The following FSTL4 variants were observed in gnomAD, a reference collection of about 807,000 sequenced individuals.
FSTL4 encodes follistatin like 4.
In FSTL4, 28 loss-of-function variants were observed where a neutral mutation model predicts 78.2. The observed-to-expected ratio is 0.36, with a 90% CI of 0.27 to 0.49. The LOEUF is 0.49. Ranked by LOEUF, FSTL4 falls within the 20% of genes least tolerant of loss-of-function variation. The probability of loss-of-function intolerance (pLI) is 0.98; values close to 1 mark genes in which losing one functional copy is unlikely to be tolerated. For missense variants in FSTL4, 922 were observed against 1,084.9 expected (o/e 0.85, Z 2.11); for synonymous variants, 422 against 440.5 (o/e 0.96, Z 0.53).
At chr5:133,341,028 G>A (rs184703857) in intron 4 of FSTL4, among the ~76,000 whole-genome samples, 341 of 152,046 alleles carry the variant, frequency 2.2e-3, no homozygotes, top group Middle Eastern at 6.8e-3. Context: ...GCCTGAGGGC[G>A]CTCCAAAGTC....
At chr5:133,350,300 T>C (rs1561682268) in intron 4 of FSTL4, among the ~76,000 whole-genome samples, 1 of 152,232 alleles carries the variant, frequency 6.6e-6, no homozygotes, top group African/African-American at 2.4e-5. Flanking sequence ...CCAAGAGTGA[T>C]GGTTATTAGA....
chr5:133,759,055 A>G, the FSTL4 span, among the ~76,000 whole-genome samples: 5 of 152,240 alleles, frequency 3.3e-5, no homozygotes, highest in African/African-American at 4.8e-5. Flanking sequence ...TGCTAAATCC[A>G]ATTCACATTC....
At position 133,199,143 on chromosome 5, in the gene FSTL4, C is replaced by T. The variant is rs745485239; in HGVS notation, c.2481G>A (p.Val827=). The change falls in exon 16 of 16, where the codon GTG becomes GTA. Residue 827 remains valine, a synonymous_variant. Transcript: ENST00000265342. This position sits in a 1 kb window ranked among gnomAD's most constrained non-coding sequence, Gnocchi z 4.4. ...CTGTGGTCCCCCCCTTTATACCTGA[C>T]ACCTCACACCGCAGCGTGTTTTGTC... is the stretch of plus-strand genomic sequence containing the variant. ...NGRQNTLRCE[V]SGIKGGTTVV... is the part of the protein sequence containing the mutation. 4 of 1,589,108 alleles carry T rather than the reference C, an allele frequency of 2.5e-6. No homozygotes were observed. The highest frequency in any genetic ancestry group is 3.4e-6 in the Non-Finnish European group (4 of 1,164,910).
intron 7 of FSTL4, among the ~76,000 whole-genome samples, chr5:133,234,498 C>A (rs1751597497): frequency 6.6e-6 from 1 of 152,246 alleles, no homozygotes; most frequent in South Asian, 2.1e-4. Context: ...GACCTGTGCC[C>A]AATGCTGGCC....
intron 3 of FSTL4, among the ~76,000 whole-genome samples, chr5:133,415,035 C>T (rs1168671947): frequency 6.6e-6 from 1 of 152,260 alleles, no homozygotes; most frequent in Non-Finnish European, 1.5e-5. Flanking sequence ...AGCATCAGTA[C>T]TTTCTTTCTT....
At chr5:133,422,499 G>A (rs1177364630) in intron 3 of FSTL4, among the ~76,000 whole-genome samples, 2 of 151,996 alleles carry the variant, frequency 1.3e-5, no homozygotes, top group Non-Finnish European at 2.9e-5. Flanking sequence ...TGAACAATGA[G>A]GAGGATGCTG....
chr5:133,403,351 T>C (rs1346383118), intron 3 of FSTL4, among the ~76,000 whole-genome samples: 1 of 152,162 alleles, frequency 6.6e-6, no homozygotes, highest in East Asian at 1.9e-4. Flanking sequence ...CAAGTCACTG[T>C]TGTAGGCATT....
At chr5:133,822,362 G>C in the FSTL4 span, among the ~76,000 whole-genome samples, 1 of 152,278 alleles carries the variant, frequency 6.6e-6, no homozygotes, top group Non-Finnish European at 1.5e-5. Flanking sequence ...TCTGAGCAGA[G>C]GAAGGAATAG....
intron 7 of FSTL4, among the ~76,000 whole-genome samples, chr5:133,241,027 T>G (rs564859253): frequency 6.6e-6 from 1 of 152,294 alleles, no homozygotes; most frequent in East Asian, 1.9e-4. Context: ...AGTATTTGAA[T>G]GAGCTCCAGC....
At chr5:133,632,820 G>C in the FSTL4 span, among the ~76,000 whole-genome samples, 3 of 152,192 alleles carry the variant, frequency 2.0e-5, no homozygotes, top group Non-Finnish European at 2.9e-5. Flanking sequence ...CCAAGTAGCT[G>C]GGACTGGAGG....
At chr5:133,540,220 A>G (rs1240033430) in intron 3 of FSTL4, among the ~76,000 whole-genome samples, 1 of 151,408 alleles carries the variant, frequency 6.6e-6, no homozygotes, top group Non-Finnish European at 1.5e-5. Flanking sequence ...AATTCCTTAA[A>G]ATAAACACAT....
intron 2 of FSTL4, among the ~76,000 whole-genome samples, chr5:133,572,481 C>A (rs1336617504): frequency 6.6e-6 from 1 of 151,438 alleles, no homozygotes; most frequent in Non-Finnish European, 1.5e-5. Flanking sequence ...GATATTTAGA[C>A]AAAAAAACCC....
the FSTL4 span, among the ~76,000 whole-genome samples, chr5:133,646,307 G>C: frequency 6.6e-6 from 1 of 152,096 alleles, no homozygotes; most frequent in Non-Finnish European, 1.5e-5. Context: ...TAAGTCAAAG[G>C]CTCTGAGTGA....
chr5:133,453,274 C>T (rs1262409447), intron 3 of FSTL4, among the ~76,000 whole-genome samples: 1 of 152,164 alleles, frequency 6.6e-6, no homozygotes, highest in Non-Finnish European at 1.5e-5. Context: ...TCTTCATCAT[C>T]ACCATCATCA....
chr5:133,199,065 T>C lies in FSTL4; in HGVS notation c.*30A>G, dbSNP rs1581516831. 2 of 1,382,520 alleles carry C rather than the reference T, an allele frequency of 1.4e-6. No homozygotes were observed. The highest frequency in any genetic ancestry group is 2.9e-5 in the South Asian group (2 of 69,886). 85.6% of individuals were successfully genotyped at this position (1,382,520 alleles called of 1,614,324 possible). A position where few individuals can be genotyped will look rare whatever the true frequency, so the allele number is the denominator to read the frequency against. On this transcript the variant is annotated 3_prime_UTR_variant, in exon 16 of 16. Transcript: ENST00000265342. The surrounding 1 kb of genome is among the most constrained non-coding windows in gnomAD (Gnocchi z 4.4). ...CTGCAGTGTCAGGACTAGGGGGTGT[T>C]CCTTGGCCCAGGGCTCTGCTCTGGG...
At chr5:133,732,233 G>A in the FSTL4 span, among the ~76,000 whole-genome samples, 1 of 152,158 alleles carries the variant, frequency 6.6e-6, no homozygotes, top group Admixed American at 6.5e-5. Flanking sequence ...GAGAAGAAGG[G>A]GAGGTGTGTG....
intron 6 of FSTL4, among the ~76,000 whole-genome samples, chr5:133,290,353 C>T (rs535966571): frequency 6.6e-5 from 10 of 152,288 alleles, no homozygotes; most frequent in South Asian, 6.2e-4. Flanking sequence ...CAGCACTGGG[C>T]GAATGAGGAA....
chr5:133,366,233 C>T (rs575033899), intron 4 of FSTL4, among the ~76,000 whole-genome samples: 84 of 152,302 alleles, frequency 5.5e-4, no homozygotes, highest in African/African-American at 1.7e-3. Flanking sequence ...TGGCTGACTC[C>T]ATCTCAAAAT....
At chr5:133,673,826 G>A in the FSTL4 span, among the ~76,000 whole-genome samples, 2 of 152,136 alleles carry the variant, frequency 1.3e-5, no homozygotes, top group Non-Finnish European at 2.9e-5. Flanking sequence ...GATAGGGGCT[G>A]TAATGGAGGG....
Sources: gnomAD v4.1 joint callset for allele counts (sites outside exome capture counted in the v4.1 genomes callset) on GRCh38, gnomAD v4.1.1 for gene constraint, Gnocchi (gnomAD v3.1) non-coding constraint, MANE v1.5 for transcripts, NCBI Gene and HGNC (gene_info 2026-07-23, HGNC 2026-07-21) for gene names.